The following DLGAP2 variants were observed in gnomAD, a reference collection of about 807,000 sequenced individuals.
DLGAP2 encodes the protein DLG associated protein 2.
In DLGAP2, 26 loss-of-function variants were observed where a neutral mutation model predicts 100.3. That is an observed-to-expected ratio of 0.26 (90% CI 0.19 to 0.36). The LOEUF (loss-of-function observed/expected upper bound fraction) is 0.36, where lower values mean the gene tolerates loss of function less well. Ranked by LOEUF, DLGAP2 falls within the 10% of genes least tolerant of loss-of-function variation. The pLI is 1.00. For missense variants in DLGAP2, 1,858 were observed against 1,453.2 expected (o/e 1.28, Z -4.53); for synonymous variants, 886 against 630.1 (o/e 1.41, Z -6.08).
intron 3 of DLGAP2, among the ~76,000 whole-genome samples, chr8:1,287,306 C>G (rs113038812): frequency 1.2e-5 from 1 of 82,508 alleles, no homozygotes; most frequent in African/African-American, 5.2e-5. Flanking sequence ...GAACTAGTTT[C>G]GGTTCAGCGT....
At chr8:1,603,168 A>G (rs1796682718) in intron 6 of DLGAP2, among the ~76,000 whole-genome samples, 1 of 150,118 alleles carries the variant, frequency 6.7e-6, no homozygotes. Flanking sequence ...TCAGTTCTAC[A>G]GAGGCTGGTT....
In DLGAP2 at chr8:1,549,178, A is replaced by G. The variant is rs1427634496; in HGVS notation, c.725A>G (p.Lys242Arg). ...LVHSVQKLFT[K>R]SHSLEGSSKS... ...CACTCCGTGCAGAAGCTCTTCACCAAGTCGCACTCGCTGGAGGGCTCCTCC... is the reference window on the plus strand; with the variant it reads ...CACTCCGTGCAGAAGCTCTTCACCAGGTCGCACTCGCTGGAGGGCTCCTCC... Residue 242 changes from lysine to arginine, a missense_variant, in exon 5 of 15, where the codon AAG (lysine) becomes AGG (arginine). Lys to Arg is a conservative substitution (Grantham distance 26). Coordinates refer to ENST00000637795, the MANE Select transcript of DLGAP2 (RefSeq NM_001346810.2). 6.3e-7 allele frequency: 1 copy of G among 1,599,386 alleles called. No homozygotes were observed. The highest frequency in any genetic ancestry group is 1.7e-5 in the Admixed American group (1 of 57,520).
rs116836936 is a variant in DLGAP2, at chr8:1,276,517, A to G, written c.106+17634A>G. The stretch of plus-strand genomic sequence containing the variant: ...ACTTTGCTTGCATGTGTATCTTCAC[A>G]TGTTCGGCCTTTGCTTTACCCTGAA... On this transcript the variant is annotated intron_variant, in intron 3 of 14. Coordinates refer to ENST00000637795, the MANE Select transcript of DLGAP2 (RefSeq NM_001346810.2). Among the ~76,000 whole-genome samples the G allele has an allele frequency of 7.2e-3, 1,099 of 152,172 alleles. 11 individuals carry two copies. The highest frequency in any genetic ancestry group is 0.025 in the African/African-American group (1,044 of 41,508).
chr8:1,431,993 G>A (rs1234376030), intron 3 of DLGAP2, among the ~76,000 whole-genome samples: 2 of 148,758 alleles, frequency 1.3e-5, no homozygotes, highest in African/African-American at 2.5e-5. Context: ...GAATCCTGCC[G>A]GCACCCAGCA....
At chr8:1,443,953 A>G (rs1364013663) in intron 3 of DLGAP2, among the ~76,000 whole-genome samples, 1 of 152,214 alleles carries the variant, frequency 6.6e-6, no homozygotes, top group East Asian at 1.9e-4. Context: ...CTCTATAACA[A>G]GACAGAGCTG....
At chr8:1,392,386 A>G (rs919192591) in intron 3 of DLGAP2, among the ~76,000 whole-genome samples, 3 of 151,934 alleles carry the variant, frequency 2.0e-5, no homozygotes, top group Admixed American at 2.0e-4. Context: ...CTTCCCATCA[A>G]CTCGCGGCAC....
intron 2 of DLGAP2, among the ~76,000 whole-genome samples, chr8:935,727 C>G (rs1280157056): frequency 6.6e-6 from 1 of 152,118 alleles, no homozygotes; most frequent in Non-Finnish European, 1.5e-5. Flanking sequence ...GCCCAGGAGC[C>G]GTGCGTCCTG....
Position 1,146,629 on chromosome 8 carries a change from A to C in DLGAP2, c.74-112222A>C, listed in dbSNP as rs368746939. Among the ~76,000 whole-genome samples the C allele has an allele frequency of 2.0e-5, 3 of 151,806 alleles. No individual in the cohort carries two copies. In the South Asian group the frequency reaches 6.2e-4, roughly 32 times the overall value. On this transcript the variant is annotated intron_variant, in intron 2 of 14. Coordinates refer to ENST00000637795, the MANE Select transcript of DLGAP2 (RefSeq NM_001346810.2). ...TGTGTGCATGCACGTGTGTGCATGCATGTGTGTGCATGTGAGTGTGTGCAT... is the reference window on the plus strand; with the variant it reads ...TGTGTGCATGCACGTGTGTGCATGCCTGTGTGTGCATGTGAGTGTGTGCAT...
At chr8:1,136,926 T>A (rs1796426653) in intron 2 of DLGAP2, among the ~76,000 whole-genome samples, 1 of 152,248 alleles carries the variant, frequency 6.6e-6, no homozygotes, top group Non-Finnish European at 1.5e-5. Context: ...GTATTCTGTT[T>A]GTGCTGCTTC....
At chr8:836,765 C>T (rs1225692874) in intron 1 of DLGAP2, among the ~76,000 whole-genome samples, 2 of 152,170 alleles carry the variant, frequency 1.3e-5, no homozygotes, top group African/African-American at 2.4e-5. Context: ...GTGAACACCA[C>T]GTTAACAAGC....
chr8:1,133,176 A>G (rs1030386562), intron 2 of DLGAP2, among the ~76,000 whole-genome samples: 1 of 152,192 alleles, frequency 6.6e-6, no homozygotes, highest in Non-Finnish European at 1.5e-5. Flanking sequence ...TACCTTCTTA[A>G]CAAGCTACTT....
chr8:1,109,358 A>G (rs1251315847), intron 2 of DLGAP2, among the ~76,000 whole-genome samples: 29 of 3,868 alleles, frequency 7.5e-3, no homozygotes, highest in African/African-American at 0.014. Flanking sequence ...GTGCCTATGA[A>G]GTGTGCTGGA....
intron 3 of DLGAP2, among the ~76,000 whole-genome samples, chr8:1,371,966 G>C (rs1802248437): frequency 6.6e-6 from 1 of 152,252 alleles, no homozygotes; most frequent in Admixed American, 6.5e-5. Context: ...ACAGAAAAGA[G>C]TTTCTTATGA....
intron 2 of DLGAP2, among the ~76,000 whole-genome samples, chr8:1,129,142 A>G (rs1462028620): frequency 6.6e-6 from 1 of 152,204 alleles, no homozygotes; most frequent in East Asian, 1.9e-4. Context: ...GCCGTGGCTC[A>G]CACCTGTAAT....
chr8:1,678,039 C>T (rs1403955703), intron 11 of DLGAP2, among the ~76,000 whole-genome samples, 175 bp from the exon 12 acceptor site: 1 of 152,210 alleles, frequency 6.6e-6, no homozygotes, highest in Non-Finnish European at 1.5e-5. Flanking sequence ...ATTTGCAAAA[C>T]CAAATGTTCT....
intron 2 of DLGAP2, among the ~76,000 whole-genome samples, chr8:1,142,373 A>C (rs1391333821): frequency 6.6e-6 from 1 of 152,216 alleles, no homozygotes; most frequent in African/African-American, 2.4e-5. Flanking sequence ...ATGAGTTGAT[A>C]GGCTTAGCAT....
chr8:1,307,255 C>T (rs1800512404), intron 3 of DLGAP2, among the ~76,000 whole-genome samples: 1 of 151,958 alleles, frequency 6.6e-6, no homozygotes, highest in Non-Finnish European at 1.5e-5. Flanking sequence ...TCACAAATGA[C>T]CAATAAGCAC....
intron 2 of DLGAP2, among the ~76,000 whole-genome samples, chr8:1,165,922 T>C (rs1797005986): frequency 6.6e-6 from 1 of 152,216 alleles, no homozygotes; most frequent in Non-Finnish European, 1.5e-5. Flanking sequence ...CAGATTTTGT[T>C]GGTTGCTGTT....
chr8:1,442,811 G>A (rs1367290194), intron 3 of DLGAP2, among the ~76,000 whole-genome samples: 5 of 149,496 alleles, frequency 3.3e-5, no homozygotes, highest in Admixed American at 6.6e-5. Flanking sequence ...GCCACTGGGG[G>A]AGACGGATCC....
Sources: allele counts gnomAD v4.1 joint callset (sites outside exome capture counted in the v4.1 genomes callset), GRCh38; gene constraint gnomAD v4.1.1; transcripts MANE v1.5; gene names NCBI Gene and HGNC (gene_info 2026-07-23, HGNC 2026-07-21).